The following YEATS4 variants were observed in gnomAD, a reference collection of about 807,000 sequenced individuals.
The protein encoded by YEATS4 is YEATS domain-containing protein 4.
A neutral mutation model predicts 30.1 loss-of-function variants in YEATS4; 17 were observed. That is an observed-to-expected ratio of 0.56 (90% confidence interval 0.39 to 0.85). YEATS4 has a LOEUF of 0.85. YEATS4 is among the 40% of genes least tolerant of loss of function. The probability of loss-of-function intolerance (pLI) is 0.00; values close to 1 mark genes in which losing one functional copy is unlikely to be tolerated. For synonymous variants in YEATS4, 85 were observed against 87.5 expected (o/e 0.97, Z 0.16); for missense variants, 142 against 268.3 (o/e 0.53, Z 3.29).
intron 2 of YEATS4, 108 bp downstream of exon 2, chr12:69,363,015 T>C (rs12369194): frequency 2.1e-6 from 2 of 932,818 alleles, no homozygotes; most frequent in Admixed American, 4.1e-5. Flanking sequence ...TTTTTTGAGA[T>C]GGAGTCTTGC....
the YEATS4 span, among the ~76,000 whole-genome samples, chr12:69,411,457 A>G: frequency 6.6e-6 from 1 of 152,212 alleles, no homozygotes; most frequent in Non-Finnish European, 1.5e-5. Context: ...GCTTGTGAAT[A>G]TGTCAGCAAA....
At chr12:69,426,662 C>T in the YEATS4 span, among the ~76,000 whole-genome samples, 1 of 152,208 alleles carries the variant, frequency 6.6e-6, no homozygotes, top group African/African-American at 2.4e-5. Flanking sequence ...TAAGCCACCG[C>T]ATCCGGCCTA....
the YEATS4 span, among the ~76,000 whole-genome samples, chr12:69,414,654 C>T: frequency 1.3e-5 from 2 of 152,190 alleles, no homozygotes; most frequent in East Asian, 3.8e-4. Flanking sequence ...ATTGAGTTTG[C>T]TTCAAAATAA....
chr12:69,361,164 C>CTCTA (rs1194573935), intron 1 of YEATS4, among the ~76,000 whole-genome samples: 2 of 151,926 alleles, frequency 1.3e-5, no homozygotes, highest in Admixed American at 1.3e-4. Flanking sequence ...TGCCACTGCA[C>CTCTA]TCTAGCCTGG....
At chr12:69,375,840 G>A (rs375915688) in intron 6 of YEATS4, among the ~76,000 whole-genome samples, 5 of 152,222 alleles carry the variant, frequency 3.3e-5, no homozygotes, top group African/African-American at 4.8e-5. Flanking sequence ...GCAGTGAGCC[G>A]AGATGGCGGC....
intron 6 of YEATS4, among the ~76,000 whole-genome samples, chr12:69,383,513 A>C (rs575269976): frequency 2.0e-5 from 3 of 152,340 alleles, no homozygotes; most frequent in Admixed American, 6.5e-5. Flanking sequence ...AAGATTGAGG[A>C]GATAACCAGC....
intron 6 of YEATS4, among the ~76,000 whole-genome samples, chr12:69,383,173 G>A (rs1007731789): frequency 1.1e-4 from 17 of 152,088 alleles, no homozygotes; most frequent in African/African-American, 4.1e-4. Flanking sequence ...CTGAGGTTGG[G>A]GGATTACTTG....
At chr12:69,383,435 C>A (rs946326912) in intron 6 of YEATS4, among the ~76,000 whole-genome samples, 1 of 152,110 alleles carries the variant, frequency 6.6e-6, no homozygotes, top group Non-Finnish European at 1.5e-5. Context: ...CAAATGGTAT[C>A]ATCAAAGGAG....
chr12:69,420,478 A>G, the YEATS4 span, among the ~76,000 whole-genome samples: 1 of 152,036 alleles, frequency 6.6e-6, no homozygotes, highest in African/African-American at 2.4e-5. Flanking sequence ...TAGAAACACA[A>G]CCAGGAGGAG....
intron 4 of YEATS4, among the ~76,000 whole-genome samples, chr12:69,370,199 G>A (rs746151828): frequency 1.3e-5 from 2 of 152,072 alleles, no homozygotes; most frequent in Non-Finnish European, 2.9e-5. Flanking sequence ...TTGAAGACAT[G>A]TTGCTCTTGC....
At chr12:69,364,170 T>G (rs534167017) in intron 2 of YEATS4, 23 of 448,794 alleles carry the variant, frequency 5.1e-5, no homozygotes, top group African/African-American at 2.6e-4. Context: ...TAAAAACCAT[T>G]GGCTAGGCAA....
At chr12:69,412,932 G>A in the YEATS4 span, among the ~76,000 whole-genome samples, 2 of 152,248 alleles carry the variant, frequency 1.3e-5, no homozygotes, top group South Asian at 2.1e-4. Flanking sequence ...AAAGAATGCA[G>A]CGGTGGAAGG....
chr12:69,390,542 A>T lies in YEATS4; in HGVS notation c.*226A>T, dbSNP rs984506176. ...ATAGGTATTTTACCAACCCATTTTA[A>T]GAAAATTCTATGATATTAAGCACAG... On this transcript the variant is annotated 3_prime_UTR_variant, in exon 7 of 7. Coordinates refer to ENST00000247843, the MANE Select transcript of YEATS4 (RefSeq NM_006530.4). 1.4e-5 allele frequency: 4 copies of T among 290,370 alleles called. 1 individual carries two copies. The South Asian group carries it at 5.0e-4, about 36-fold the overall frequency. 18.0% of individuals were successfully genotyped at this position (290,370 alleles called of 1,614,324 possible).
the YEATS4 span, among the ~76,000 whole-genome samples, chr12:69,398,674 G>A: frequency 6.6e-6 from 1 of 151,804 alleles, no homozygotes; most frequent in African/African-American, 2.4e-5. Flanking sequence ...AATTAACTGG[G>A]CATGGTGGTG....
Position 69,359,926 on chromosome 12 carries a change from G to A in YEATS4, c.-47G>A, listed in dbSNP as rs756008959. On this transcript the variant is annotated 5_prime_UTR_variant, in exon 1 of 7. Coordinates refer to ENST00000247843, the MANE Select transcript of YEATS4 (RefSeq NM_006530.4). ...TCTGAGGGGAGCGGCGACCCCGCCA[G>A]CCCCGGTCTCTTTCCCTGGCGGCGG... is the stretch of plus-strand genomic sequence containing the variant. The A allele has an allele frequency of 6.2e-7, 1 of 1,610,518 alleles. No homozygotes were observed. The highest frequency in any genetic ancestry group is 8.5e-7 in the Non-Finnish European group (1 of 1,177,954).
chr12:69,424,697 G>A, the YEATS4 span, among the ~76,000 whole-genome samples: 9 of 151,920 alleles, frequency 5.9e-5, no homozygotes, highest in Non-Finnish European at 1.2e-4. Flanking sequence ...TTTCCCCTTC[G>A]CTCTCCCTCA....
chr12:69,372,537 G>GTTTTTTTTT (rs71094710), intron 6 of YEATS4, among the ~76,000 whole-genome samples: 2,365 of 122,768 alleles, frequency 0.019, 187 homozygotes, highest in African/African-American at 0.07. Context: ...TATCTCATGA[G>GTTTTTTTTT]TTTTTTTTTT....
rs374650830 is a variant in YEATS4 at position 69,374,642 on chromosome 12, G to A, written c.514+3667G>A. Reference sequence around the variant, plus strand: ...ATCTGTTTAACAAAGCACATCTTGCGCCGCCCTTAATCCATTTAACCCTTA... The same window carrying A: ...ATCTGTTTAACAAAGCACATCTTGCACCGCCCTTAATCCATTTAACCCTTA... On this transcript the variant is annotated intron_variant, in intron 6 of 6. Transcript: ENST00000247843. Among the ~76,000 whole-genome samples the A allele has an allele frequency of 3.3e-3, 457 of 139,818 alleles. 1 individual carries two copies. Among genetic ancestry groups the A allele is most frequent in the African/African-American group, 0.011 (431 of 38,090 alleles). The allele number at this position is 139,818 out of a possible 152,430, so 91.7% of individuals were successfully genotyped here. A position where few individuals can be genotyped will look rare whatever the true frequency, so the allele number is the denominator to read the frequency against.
the YEATS4 span, among the ~76,000 whole-genome samples, chr12:69,397,919 G>A: frequency 6.6e-6 from 1 of 152,084 alleles, no homozygotes; most frequent in Non-Finnish European, 1.5e-5. Flanking sequence ...GTTTGTTATG[G>A]CAGCCTTAAT....
Sources: gnomAD v4.1 joint callset for allele counts (sites outside exome capture counted in the v4.1 genomes callset) on GRCh38, gnomAD v4.1.1 for gene constraint, MANE v1.5 for transcripts, NCBI Gene and HGNC (gene_info 2026-07-23, HGNC 2026-07-21) for gene names.